Variants in TCEANC2 observed in about 807,000 individuals in gnomAD.
TCEANC2 encodes transcription elongation factor A N-terminal and central domain containing 2.
In TCEANC2, 20 loss-of-function variants were observed where a neutral mutation model predicts 22.8. That is an observed-to-expected ratio of 0.88 (90% CI 0.62 to 1.28). The LOEUF (loss-of-function observed/expected upper bound fraction) is 1.28, where lower values mean the gene tolerates loss of function less well. Among genes scored for constraint, TCEANC2 ranks in the 50% most tolerant of loss-of-function variants. The pLI is 0.00. For synonymous variants in TCEANC2, 84 were observed against 95.5 expected (o/e 0.88, Z 0.70); for missense variants, 251 against 249.7 (o/e 1.01, Z -0.03).
At chr1:54,111,663 A>T (rs942703451) in exon 5 of TCEANC2, 22 of 152,248 alleles carry the variant, frequency 1.4e-4, no homozygotes, top group Non-Finnish European at 4.4e-5. Flanking sequence ...TCTCCCATGT[A>T]ACCCTCACGA....
At chr1:54,110,349 A>T (rs1325697008), downstream of TCEANC2, among the ~76,000 whole-genome samples, 3 of 152,184 alleles carry the variant, frequency 2.0e-5, no homozygotes, top group African/African-American at 7.2e-5. Flanking sequence ...CTGTTATCCC[A>T]GCACTTTAGG....
At chr1:54,065,151 A>G (rs1457884755) in intron 2 of TCEANC2, among the ~76,000 whole-genome samples, 1 of 152,226 alleles carries the variant, frequency 6.6e-6, no homozygotes, top group Non-Finnish European at 1.5e-5. Context: ...TTTGGAGAAG[A>G]AGAAAAACAG....
At chr1:54,058,620 G>T in intron 2 of TCEANC2, among the ~76,000 whole-genome samples, 1 of 152,086 alleles carries the variant, frequency 6.6e-6, no homozygotes, top group Non-Finnish European at 1.5e-5. Flanking sequence ...TTATATGTAC[G>T]CATTCCAGCC....
chr1:54,089,107 C>A (rs1658394371), intron 4 of TCEANC2, among the ~76,000 whole-genome samples: 1 of 152,146 alleles, frequency 6.6e-6, no homozygotes, highest in Non-Finnish European at 1.5e-5. Context: ...TTTTCTGAGA[C>A]TTGATTTCTT....
chr1:54,057,347 A>ATTTTTTTTT (rs1163556776), intron 2 of TCEANC2, among the ~76,000 whole-genome samples: 8 of 85,930 alleles, frequency 9.3e-5, no homozygotes, highest in African/African-American at 1.5e-4. Flanking sequence ...CACCTGGCTA[A>ATTTTTTTTT]TTTTTTTTTT....
rs929273577 is a variant in TCEANC2 at position 54,105,565 on chromosome 1, A to G, written c.*9092A>G. On this transcript the variant is annotated 3_prime_UTR_variant, in exon 5 of 5. Transcript: ENST00000234827. ...TCTCCATCTCAGAGTCTACTTTCCA[A>G]GGAAGTGGGCCTATAACATAGCTCT... is the stretch of plus-strand genomic sequence containing the variant. The G allele has an allele frequency of 2.0e-5, 3 of 152,142 alleles. No individual in the cohort carries two copies. The highest frequency in any genetic ancestry group is 7.2e-5 in the African/African-American group (3 of 41,430). 9.4% of individuals were successfully genotyped at this position (152,142 alleles called of 1,614,324 possible).
chr1:54,090,001 G>A lies in TCEANC2; in HGVS notation c.438+1211G>A. On this transcript the variant is annotated intron_variant, in intron 4 of 4. Transcript: ENST00000234827. The stretch of plus-strand genomic sequence containing the variant: ...GTATTAGCTAGTGGAACCACTTTCT[G>A]TATTGCTATATGGACATAGGTAGCA... 4.4e-6 allele frequency: 3 copies of A among 678,328 alleles called. No homozygotes were observed. The South Asian group carries it at 4.8e-5, about 11-fold the overall frequency. 42.0% of individuals were successfully genotyped at this position (678,328 alleles called of 1,614,324 possible).
chr1:54,084,436 C>G lies in TCEANC2; in HGVS notation c.245-4161C>G, dbSNP rs542705728. Among the ~76,000 whole-genome samples the G allele has an allele frequency of 2.6e-5, 4 of 152,292 alleles. 1 individual carries two copies. The East Asian group carries it at 7.7e-4, about 29-fold the overall frequency. On this transcript the variant is annotated intron_variant, in intron 3 of 4. Coordinates refer to ENST00000234827, the MANE Select transcript of TCEANC2 (RefSeq NM_153035.3). ...TAGCTTTTCACTATCACAAACAATA[C>G]TGGAATGAATATTTCTGTACATGTG...
intron 2 of TCEANC2, among the ~76,000 whole-genome samples, chr1:54,063,940 G>C (rs1310984275): frequency 6.6e-6 from 1 of 152,096 alleles, no homozygotes; most frequent in Non-Finnish European, 1.5e-5. Flanking sequence ...AATCCAGAAG[G>C]CTAGCTGTAG....
rs183984882 is a variant in TCEANC2 at position 54,104,388 on chromosome 1, C to T, written c.*7915C>T. On this transcript the variant is annotated 3_prime_UTR_variant, in exon 5 of 5. Coordinates refer to ENST00000234827, the MANE Select transcript of TCEANC2 (RefSeq NM_153035.3). ...CACTTGAGCTCCTCATATCAGGAGACTACTAGGCAAGAACAGTCACCATTC... is the reference window on the plus strand; with the variant it reads ...CACTTGAGCTCCTCATATCAGGAGATTACTAGGCAAGAACAGTCACCATTC... 5.7e-5 allele frequency: 17 copies of T among 299,204 alleles called. 1 individual carries two copies. In the Middle Eastern group the frequency reaches 1.3e-3, roughly 22 times the overall value. 18.5% of individuals were successfully genotyped at this position (299,204 alleles called of 1,614,324 possible). A position where few individuals can be genotyped will look rare whatever the true frequency, so the allele number is the denominator to read the frequency against.
At chr1:54,110,818 G>A (rs114810130), downstream of TCEANC2, among the ~76,000 whole-genome samples, 1,056 of 152,112 alleles carry the variant, frequency 6.9e-3, 16 homozygotes, top group African/African-American at 0.024. Flanking sequence ...TGGGGCAGCT[G>A]CATGCACTCT....
At chr1:54,058,328 T>C (rs1657790738) in intron 2 of TCEANC2, among the ~76,000 whole-genome samples, 1 of 152,232 alleles carries the variant, frequency 6.6e-6, no homozygotes, top group Non-Finnish European at 1.5e-5. Flanking sequence ...CTCCCTTCTC[T>C]GAGCCATCCC....
chr1:54,088,693 A>G lies in TCEANC2; in HGVS notation c.341A>G (p.His114Arg). 2 of 1,611,658 alleles carry G rather than the reference A, an allele frequency of 1.2e-6. No individual in the cohort carries two copies. Among genetic ancestry groups the G allele is most frequent in the Middle Eastern group, 1.8e-4 (1 of 5,612 alleles). The change falls in exon 4 of 5, where the codon CAT becomes CGT. Residue 114 changes from histidine (H) to arginine (R), a missense_variant. His to Arg is a conservative substitution (Grantham distance 29). Transcript: ENST00000234827. The part of the protein sequence containing the change: ...YTEWKTFTEK[H>R]SNRPSIEVRS... ...GAGTGGAAAACTTTCACTGAAAAAC[A>G]TTCAAATAGACCTTCTATTGAAGTT...
chr1:54,068,739 A>C lies in TCEANC2; in HGVS notation c.103-17A>C. The C allele has an allele frequency of 6.3e-7, 1 of 1,582,878 alleles. No individual in the cohort carries two copies. The highest frequency in any genetic ancestry group is 8.5e-7 in the Non-Finnish European group (1 of 1,170,552). On this transcript the variant is annotated splice_polypyrimidine_tract_variant and intron_variant, in intron 2 of 4. Coordinates refer to ENST00000234827, the MANE Select transcript of TCEANC2 (RefSeq NM_153035.3). The stretch of plus-strand genomic sequence containing the variant: ...ATGAAAATGTTCCATTTTCCAAATG[A>C]CTTTTCTTTTTCCCAGAGAGTTGTG...
chr1:54,096,428 C>T lies in TCEANC2; in HGVS notation c.582C>T (p.Ser194=), dbSNP rs1261429305. ...CTGAAATCCGGGCTCAGGTGAAGAGCGGCTCGCTGCCAGTCGGCACGTTTG... is the reference window on the plus strand; with the variant it reads ...CTGAAATCCGGGCTCAGGTGAAGAGTGGCTCGCTGCCAGTCGGCACGTTTG... ...HRAEIRAQVK[S]GSLPVGTFVQ... is the part of the protein sequence containing the mutation. The change falls in exon 5 of 5, where the codon AGC becomes AGT. Residue 194 remains serine, a synonymous_variant. Transcript: ENST00000234827. The surrounding 1 kb of genome is among the most constrained non-coding windows in gnomAD (Gnocchi z 4.9). 1.2e-6 allele frequency: 2 copies of T among 1,612,522 alleles called. No homozygotes were observed. The highest frequency in any genetic ancestry group is 1.1e-5 in the South Asian group (1 of 91,056).
intron 2 of TCEANC2, among the ~76,000 whole-genome samples, chr1:54,055,526 C>CA (rs1469738384): frequency 1.3e-5 from 2 of 152,210 alleles, no homozygotes; most frequent in Non-Finnish European, 2.9e-5. Context: ...TTGTTCTCCT[C>CA]AGAGTTCTGT....
chr1:54,081,910 C>T (rs1394968703), intron 3 of TCEANC2, among the ~76,000 whole-genome samples: 1 of 152,228 alleles, frequency 6.6e-6, no homozygotes, highest in East Asian at 1.9e-4. Context: ...CCTTCGGCCA[C>T]CTCTCAGGGC....
At chr1:54,080,355 G>A (rs1002261509) in intron 3 of TCEANC2, among the ~76,000 whole-genome samples, 1 of 151,986 alleles carries the variant, frequency 6.6e-6, no homozygotes, top group Non-Finnish European at 1.5e-5. Flanking sequence ...TGTTGACCAG[G>A]CTGTTGTCGA....
intron 4 of TCEANC2, among the ~76,000 whole-genome samples, chr1:54,095,002 G>A (rs760322448): frequency 2.9e-4 from 44 of 152,056 alleles, no homozygotes; most frequent in Non-Finnish European, 6.2e-4. Flanking sequence ...AATTAGCGGA[G>A]CATGGTGGTG....
Sources: allele counts gnomAD v4.1 joint callset (sites outside exome capture counted in the v4.1 genomes callset), GRCh38; gene constraint gnomAD v4.1.1; non-coding constraint Gnocchi (gnomAD v3.1); transcripts MANE v1.5; gene names NCBI Gene and HGNC (gene_info 2026-07-23, HGNC 2026-07-21).